Variants in UNC5D observed in about 807,000 individuals in gnomAD.
UNC5D encodes the protein unc-5 netrin receptor D, also known as netrin receptor UNC5D.
A neutral mutation model predicts 105.4 loss-of-function variants in UNC5D; 39 were observed. The observed-to-expected ratio is 0.37, with a 90% confidence interval of 0.29 to 0.48. The LOEUF (loss-of-function observed/expected upper bound fraction) is 0.48. Ranked by LOEUF, UNC5D falls within the 20% of genes least tolerant of loss-of-function variation. The pLI, the probability that UNC5D is intolerant of heterozygous loss-of-function variation, is 0.98. For synonymous variants in UNC5D, 452 were observed against 450.4 expected (o/e 1.00, Z -0.04); for missense variants, 991 against 1,202.4 (o/e 0.82, Z 2.60).
intron 1 of UNC5D, among the ~76,000 whole-genome samples, chr8:35,519,774 A>G (rs968478221): frequency 3.9e-5 from 6 of 152,108 alleles, no homozygotes; most frequent in Non-Finnish European, 5.9e-5. Context: ...TGAGTTCAGA[A>G]AAGCAATCAG....
At chr8:35,463,860 G>A (rs1383234946) in intron 1 of UNC5D, among the ~76,000 whole-genome samples, 1 of 151,768 alleles carries the variant, frequency 6.6e-6, no homozygotes, top group African/African-American at 2.4e-5. Context: ...ATGTAGAGTA[G>A]TGCCTGGATA....
At chr8:35,570,492 C>A (rs552850154) in intron 3 of UNC5D, among the ~76,000 whole-genome samples, 3 of 152,226 alleles carry the variant, frequency 2.0e-5, no homozygotes, top group African/African-American at 7.2e-5. Context: ...GATTCTCCAC[C>A]ACCATCTTTC....
intron 1 of UNC5D, among the ~76,000 whole-genome samples, chr8:35,420,969 T>C (rs1805863775): frequency 6.6e-6 from 1 of 152,194 alleles, no homozygotes; most frequent in South Asian, 2.1e-4. Flanking sequence ...TAGTTGCTGC[T>C]ATCATTCTTT....
intron 7 of UNC5D, among the ~76,000 whole-genome samples, chr8:35,692,897 A>G (rs1004612577): frequency 2.0e-5 from 3 of 152,210 alleles, no homozygotes; most frequent in African/African-American, 7.2e-5. Flanking sequence ...CTGCATAACA[A>G]TTGATTAATT....
intron 16 of UNC5D, among the ~76,000 whole-genome samples, chr8:35,776,569 GC>G (rs1802255075): frequency 6.6e-6 from 1 of 152,024 alleles, no homozygotes; most frequent in Non-Finnish European, 1.5e-5. Context: ...GGAGCCAACT[GC>G]CCCCTTCTGT....
chr8:35,711,089 C>A (rs1827931339), intron 8 of UNC5D, among the ~76,000 whole-genome samples: 1 of 151,434 alleles, frequency 6.6e-6, no homozygotes, highest in South Asian at 2.1e-4. Context: ...CAGGCGTGAG[C>A]CACCGCGCCC....
At chr8:35,512,517 G>T (rs1284876841) in intron 1 of UNC5D, among the ~76,000 whole-genome samples, 126 of 37,800 alleles carry the variant, frequency 3.3e-3, no homozygotes, top group Non-Finnish European at 4.0e-3. Context: ...TATCTGCATA[G>T]ATTATATATT....
chr8:35,572,970 A>AT (rs1198801449), intron 3 of UNC5D, among the ~76,000 whole-genome samples: 2 of 151,748 alleles, frequency 1.3e-5, no homozygotes, highest in African/African-American at 2.4e-5. Context: ...CGCCCGGCTA[A>AT]TTTTTTATAT....
At chr8:35,605,878 G>A (rs911539537) in intron 4 of UNC5D, among the ~76,000 whole-genome samples, 2 of 152,082 alleles carry the variant, frequency 1.3e-5, no homozygotes, top group Non-Finnish European at 1.5e-5. Flanking sequence ...GTGTTGCCAC[G>A]CTTTTAAATT....
chr8:35,759,058 C>A (rs1255180625), intron 13 of UNC5D, among the ~76,000 whole-genome samples: 1 of 152,124 alleles, frequency 6.6e-6, no homozygotes, highest in Non-Finnish European at 1.5e-5. Context: ...TAAACAAAGG[C>A]ACAGTGTGGT....
chr8:35,578,893 C>T (rs1818287307), intron 3 of UNC5D, among the ~76,000 whole-genome samples: 1 of 152,128 alleles, frequency 6.6e-6, no homozygotes, highest in African/African-American at 2.4e-5. Context: ...AATAGTATTC[C>T]TTCATACTAT....
At chr8:35,436,574 A>C (rs1027524435) in intron 1 of UNC5D, among the ~76,000 whole-genome samples, 3 of 152,084 alleles carry the variant, frequency 2.0e-5, no homozygotes, top group African/African-American at 7.2e-5. Context: ...TATTTTCAAG[A>C]GTTGGCATTC....
rs147327319 is a variant in UNC5D, at chr8:35,741,617, A to C, written c.1767-6910A>C. 1.6e-3 allele frequency among the ~76,000 whole-genome samples: 244 copies of C among 152,294 alleles called. 1 individual carries two copies. The highest frequency in any genetic ancestry group is 5.6e-3 in the African/African-American group (232 of 41,572). On this transcript the variant is annotated intron_variant, in intron 11 of 16. Coordinates refer to ENST00000404895, the MANE Select transcript of UNC5D (RefSeq NM_080872.4). The stretch of plus-strand genomic sequence containing the variant: ...GTTACTCAGAGAAACAGGATGTAGG[A>C]ACAGTCCCCGTGTAGTTGGATTTTC...
At chr8:35,271,338 T>TGTGTATGTATATGTATACACACGTGCAC (rs1563267165) in intron 1 of UNC5D, among the ~76,000 whole-genome samples, 12,110 of 79,950 alleles carry the variant, frequency 0.15, 1,896 homozygotes, top group Middle Eastern at 0.31. Context: ...CACACGTGCA[T>TGTGTATGTATATGTATACACACGTGCAC]GTGTGTATGT....
intron 7 of UNC5D, among the ~76,000 whole-genome samples, chr8:35,705,570 A>G (rs1827519904): frequency 6.6e-6 from 1 of 152,228 alleles, no homozygotes; most frequent in African/African-American, 2.4e-5. Flanking sequence ...AGAGTGAAAC[A>G]GCATCCTTAC....
chr8:35,397,621 C>G (rs964294915), intron 1 of UNC5D, among the ~76,000 whole-genome samples: 1 of 152,134 alleles, frequency 6.6e-6, no homozygotes, highest in African/African-American at 2.4e-5. Flanking sequence ...GTTCCCTCAT[C>G]CCAGTGTACA....
intron 4 of UNC5D, among the ~76,000 whole-genome samples, chr8:35,672,380 A>AATCT (rs764316920): frequency 1.3e-5 from 2 of 152,142 alleles, no homozygotes; most frequent in Non-Finnish European, 2.9e-5. Flanking sequence ...AGCTCCTTAT[A>AATCT]ATCTATCTTA....
intron 11 of UNC5D, among the ~76,000 whole-genome samples, chr8:35,740,830 A>G (rs971265744): frequency 6.6e-6 from 1 of 152,162 alleles, no homozygotes; most frequent in African/African-American, 2.4e-5. Context: ...ATGCATCTGA[A>G]CAAAGAAGAT....
intron 1 of UNC5D, among the ~76,000 whole-genome samples, chr8:35,449,324 C>T (rs372279053): frequency 6.6e-6 from 1 of 152,088 alleles, no homozygotes; most frequent in African/African-American, 2.4e-5. Context: ...CACCATGAGA[C>T]CTTTCCCGTG....
Sources: allele counts gnomAD v4.1 joint callset (sites outside exome capture counted in the v4.1 genomes callset), GRCh38; gene constraint gnomAD v4.1.1; transcripts MANE v1.5; gene names NCBI Gene and HGNC (gene_info 2026-07-23, HGNC 2026-07-21).